The following NFIB variants were observed in gnomAD, a reference collection of about 807,000 sequenced individuals.
NFIB encodes nuclear factor I B.
A neutral mutation model predicts 61.5 loss-of-function variants in NFIB; 11 were observed. That is an observed-to-expected ratio of 0.18 (90% CI 0.11 to 0.30). The LOEUF (loss-of-function observed/expected upper bound fraction) is 0.30. Among genes scored for constraint, NFIB ranks in the 10% least tolerant of loss-of-function variants. NFIB has a pLI of 1.00. For synonymous variants in NFIB, 260 were observed against 216.5 expected (o/e 1.20, Z -1.76); for missense variants, 471 against 608.9 (o/e 0.77, Z 2.38).
the NFIB span, among the ~76,000 whole-genome samples, chr9:14,513,781 T>C: frequency 1.3e-5 from 2 of 152,204 alleles, no homozygotes. Flanking sequence ...CATCACTTAC[T>C]CTCTTTGTGA....
the NFIB span, among the ~76,000 whole-genome samples, chr9:14,446,750 T>C: frequency 6.6e-6 from 1 of 152,300 alleles, no homozygotes; most frequent in Non-Finnish European, 1.5e-5. Context: ...CGTATTATTA[T>C]GTAATTTTAA....
the NFIB span, among the ~76,000 whole-genome samples, chr9:14,520,305 C>A: frequency 6.6e-6 from 1 of 152,174 alleles, no homozygotes; most frequent in South Asian, 2.1e-4. Flanking sequence ...ATTCCATGAC[C>A]TTATTTACAA....
chr9:14,214,611 T>C (rs1236442761), intron 2 of NFIB, among the ~76,000 whole-genome samples: 1 of 152,248 alleles, frequency 6.6e-6, no homozygotes, highest in African/African-American at 2.4e-5. Flanking sequence ...ATGGATTGTA[T>C]CATGCTTTTT....
chr9:14,095,061 T>C (rs527884324), intron 10 of NFIB, among the ~76,000 whole-genome samples: 9 of 152,232 alleles, frequency 5.9e-5, no homozygotes, highest in African/African-American at 2.2e-4. Flanking sequence ...ATATTAAATG[T>C]GTTCCTTATA....
chr9:14,473,888 A>G, the NFIB span, among the ~76,000 whole-genome samples: 118 of 152,266 alleles, frequency 7.7e-4, no homozygotes, highest in African/African-American at 2.6e-3. Context: ...TATTTTCAGA[A>G]CCATGACCGT....
intron 1 of NFIB, among the ~76,000 whole-genome samples, chr9:14,344,113 A>AGG (rs1491568081): frequency 8.3e-6 from 1 of 121,144 alleles, no homozygotes; most frequent in East Asian, 2.7e-4. Context: ...AGAGAAAGAG[A>AGG]GAGAGAGAGA....
intron 2 of NFIB, among the ~76,000 whole-genome samples, chr9:14,215,991 T>C (rs73645014): frequency 7.1e-4 from 108 of 152,240 alleles, no homozygotes; most frequent in African/African-American, 2.5e-3. Context: ...GGGCAATAAA[T>C]AGGAGGTATC....
At chr9:14,341,892 A>G (rs1373791161) in intron 1 of NFIB, among the ~76,000 whole-genome samples, 1 of 151,954 alleles carries the variant, frequency 6.6e-6, no homozygotes, top group Non-Finnish European at 1.5e-5. Flanking sequence ...TCAGCCCAAA[A>G]TCCCACTCAA....
At chr9:14,346,290 A>G (rs867110089) in intron 1 of NFIB, among the ~76,000 whole-genome samples, 1 of 88,394 alleles carries the variant, frequency 1.1e-5, no homozygotes. Context: ...GGTAACCGAC[A>G]CCCCCCCCCC....
Position 14,150,231 on chromosome 9 carries a change from T to C in NFIB, c.720A>G (p.Pro240=). The change falls in exon 5 of 11, where the codon CCA becomes CCG. Residue 240 remains proline, a synonymous_variant. Coordinates refer to ENST00000380953, the MANE Select transcript of NFIB (RefSeq NM_001190737.2). ...ATGGTTGGCTTGGGATTTCTCCAAT[T>C]GGGAAGTTGACTCCAGTTCCCTGGG... is the stretch of plus-strand genomic sequence containing the variant. ...PITQGTGVNF[P]IGEIPSQPYY... 4 of 1,613,472 alleles carry C rather than the reference T, an allele frequency of 2.5e-6. No homozygotes were observed. The highest frequency in any genetic ancestry group is 1.1e-5 in the South Asian group (1 of 91,078).
chr9:14,331,947 A>G (rs929327735), intron 1 of NFIB, among the ~76,000 whole-genome samples: 1 of 152,212 alleles, frequency 6.6e-6, no homozygotes, highest in African/African-American at 2.4e-5. Context: ...ATGATAAACA[A>G]GAATAGATAT....
Position 14,307,667 on chromosome 9 carries a change from T to C in NFIB, c.31-147A>G. The stretch of plus-strand genomic sequence containing the variant: ...ATAACATTCCTTTCTTATTTAAAAT[T>C]ATCAAAATAACAGGACAAGAAGAAA... On this transcript the variant is annotated intron_variant, in intron 1 of 10. Coordinates refer to ENST00000380953, the MANE Select transcript of NFIB (RefSeq NM_001190737.2). This position sits in a 1 kb window ranked among gnomAD's most constrained non-coding sequence, Gnocchi z 5.3. 1 of 848,072 alleles carries C rather than the reference T, an allele frequency of 1.2e-6. No homozygotes were observed. Among genetic ancestry groups the C allele is most frequent in the Non-Finnish European group, 1.7e-6 (1 of 584,674 alleles). 52.5% of individuals were successfully genotyped at this position (848,072 alleles called of 1,614,324 possible).
chr9:14,172,164 T>A (rs1463611125), intron 3 of NFIB, among the ~76,000 whole-genome samples: 1 of 152,058 alleles, frequency 6.6e-6, no homozygotes, highest in African/African-American at 2.4e-5. Flanking sequence ...TGAGAAGAAA[T>A]CAAGATGGAA....
At chr9:14,318,214 T>C (rs776864456), upstream of NFIB, among the ~76,000 whole-genome samples, 1 of 152,216 alleles carries the variant, frequency 6.6e-6, no homozygotes, top group Non-Finnish European at 1.5e-5. Context: ...AAAAAAAAGT[T>C]TCCTTTCTAA....
chr9:14,254,400 T>G (rs1163922315), intron 2 of NFIB, among the ~76,000 whole-genome samples: 1 of 152,204 alleles, frequency 6.6e-6, no homozygotes, highest in African/African-American at 2.4e-5. Flanking sequence ...TGCATCTCAG[T>G]AGCTTCACAT....
chr9:14,439,299 G>C, the NFIB span, among the ~76,000 whole-genome samples: 1 of 152,182 alleles, frequency 6.6e-6, no homozygotes, highest in East Asian at 1.9e-4. Flanking sequence ...GAGCCCAGGA[G>C]GTCAAGGCTA....
chr9:14,244,757 A>G (rs1353602330), intron 2 of NFIB, among the ~76,000 whole-genome samples: 2 of 152,208 alleles, frequency 1.3e-5, no homozygotes, highest in Non-Finnish European at 2.9e-5. Context: ...AAAAACATTG[A>G]GCAAAATGCC....
At chr9:14,364,319 G>C (rs2061274914) in intron 1 of NFIB, among the ~76,000 whole-genome samples, 1 of 152,152 alleles carries the variant, frequency 6.6e-6, no homozygotes, top group Admixed American at 6.5e-5. Context: ...TTTGTGAAAA[G>C]CCAACGAAGA....
chr9:14,191,983 C>A (rs112525444), intron 2 of NFIB, among the ~76,000 whole-genome samples: 3 of 152,308 alleles, frequency 2.0e-5, no homozygotes, highest in Admixed American at 6.5e-5. Flanking sequence ...TTTCCAAGTT[C>A]TAGATAGTGC....
Sources: gnomAD v4.1 joint callset for allele counts (sites outside exome capture counted in the v4.1 genomes callset) on GRCh38, gnomAD v4.1.1 for gene constraint, Gnocchi (gnomAD v3.1) non-coding constraint, MANE v1.5 for transcripts, NCBI Gene and HGNC (gene_info 2026-07-23, HGNC 2026-07-21) for gene names.